The following XRCC4 variants were observed in gnomAD, a reference collection of about 807,000 sequenced individuals.
XRCC4 encodes the protein X-ray repair cross complementing 4.
In XRCC4, 28 loss-of-function variants were observed where a neutral mutation model predicts 39.1. That is an observed-to-expected ratio of 0.72 (90% CI 0.53 to 0.98). The LOEUF is 0.98. Among genes scored for constraint, XRCC4 ranks in the 50% least tolerant of loss-of-function variants. XRCC4 has a pLI of 0.00. For missense variants in XRCC4, 350 were observed against 376.4 expected (o/e 0.93, Z 0.58); for synonymous variants, 123 against 126.4 (o/e 0.97, Z 0.18).
At chr5:83,314,667 T>C (rs531666501) in intron 7 of XRCC4, among the ~76,000 whole-genome samples, 1 of 152,308 alleles carries the variant, frequency 6.6e-6, no homozygotes, top group Admixed American at 6.5e-5. Flanking sequence ...CTCAAACTTT[T>C]TATTATTACT....
At chr5:83,114,241 A>T (rs1396997486) in intron 3 of XRCC4, among the ~76,000 whole-genome samples, 1 of 152,122 alleles carries the variant, frequency 6.6e-6, no homozygotes. Context: ...TGCCTCGGAG[A>T]CATTTCCCCC....
intron 3 of XRCC4, among the ~76,000 whole-genome samples, chr5:83,157,666 G>A (rs1749025904): frequency 6.6e-6 from 1 of 151,780 alleles, no homozygotes; most frequent in Non-Finnish European, 1.5e-5. Context: ...AAGAGTTGTT[G>A]GAAATTAAAA....
intron 6 of XRCC4, among the ~76,000 whole-genome samples, chr5:83,245,707 A>T (rs1753074630): frequency 6.6e-6 from 1 of 152,114 alleles, no homozygotes; most frequent in Non-Finnish European, 1.5e-5. Context: ...TGTATAGTGT[A>T]AATAATTGTT....
chr5:83,125,751 G>A (rs1028007873), intron 3 of XRCC4, among the ~76,000 whole-genome samples: 1 of 152,158 alleles, frequency 6.6e-6, no homozygotes, highest in Admixed American at 6.5e-5. Flanking sequence ...AACAGGCCGA[G>A]GCGGGTGGAT....
the XRCC4 span, among the ~76,000 whole-genome samples, chr5:83,371,566 T>A: frequency 1.3e-5 from 2 of 152,090 alleles, no homozygotes; most frequent in Non-Finnish European, 2.9e-5. Flanking sequence ...GAGGATGAAG[T>A]GAACTGTGGA....
chr5:83,198,855 G>C (rs960696550), intron 4 of XRCC4, among the ~76,000 whole-genome samples: 1 of 152,110 alleles, frequency 6.6e-6, no homozygotes, highest in Non-Finnish European at 1.5e-5. Context: ...ATTTTGTATA[G>C]TGTAGATAAA....
At chr5:83,137,348 G>A (rs185007305) in intron 3 of XRCC4, among the ~76,000 whole-genome samples, 1 of 152,244 alleles carries the variant, frequency 6.6e-6, no homozygotes, top group East Asian at 1.9e-4. Context: ...TGAGTTTGGA[G>A]GGGATGCAAT....
intron 7 of XRCC4, among the ~76,000 whole-genome samples, chr5:83,261,450 A>C (rs67200965): frequency 0.21 from 31,568 of 151,742 alleles, 7,453 homozygotes; most frequent in African/African-American, 0.58. Flanking sequence ...CTCTAAACTT[A>C]AGTTTCCTAG....
intron 3 of XRCC4, among the ~76,000 whole-genome samples, chr5:83,189,261 A>G (rs1750587854): frequency 6.6e-6 from 1 of 152,160 alleles, no homozygotes; most frequent in African/African-American, 2.4e-5. Context: ...TTTCTGTACT[A>G]TGTAGACTTT....
At chr5:83,145,323 C>A (rs1284646610) in intron 3 of XRCC4, among the ~76,000 whole-genome samples, 1 of 152,186 alleles carries the variant, frequency 6.6e-6, no homozygotes, top group Non-Finnish European at 1.5e-5. Flanking sequence ...TGTGTTATTT[C>A]TCTACTTGTT....
intron 3 of XRCC4, among the ~76,000 whole-genome samples, chr5:83,170,396 A>C (rs1481872382): frequency 6.6e-6 from 1 of 152,194 alleles, no homozygotes; most frequent in African/African-American, 2.4e-5. Flanking sequence ...AAAAGGAAAA[A>C]AAAATCAGCT....
At chr5:83,284,078 A>AC (rs1491146524) in intron 7 of XRCC4, among the ~76,000 whole-genome samples, 7 of 140,504 alleles carry the variant, frequency 5.0e-5, no homozygotes, top group African/African-American at 1.9e-4. Context: ...AAAAAAAAAA[A>AC]CGAATAATTC....
chr5:83,223,757 G>A (rs1316724973), intron 6 of XRCC4, among the ~76,000 whole-genome samples: 2 of 151,754 alleles, frequency 1.3e-5, no homozygotes, highest in Non-Finnish European at 2.9e-5. Context: ...ATGTATACAT[G>A]TGCCATGCTG....
At chr5:83,357,802 T>C (rs1757206467), downstream of XRCC4, among the ~76,000 whole-genome samples, 1 of 152,010 alleles carries the variant, frequency 6.6e-6, no homozygotes, top group South Asian at 2.1e-4. Flanking sequence ...AAACAAGAGG[T>C]CTCTTGATAG....
At chr5:83,100,730 A>G (rs1461250512) in intron 1 of XRCC4, among the ~76,000 whole-genome samples, 1 of 152,024 alleles carries the variant, frequency 6.6e-6, no homozygotes, top group Non-Finnish European at 1.5e-5. Context: ...CACCCCCAAA[A>G]TTGTGGGTTT....
chr5:83,269,839 G>A (rs1754076833), intron 7 of XRCC4, among the ~76,000 whole-genome samples: 1 of 152,028 alleles, frequency 6.6e-6, no homozygotes, highest in African/African-American at 2.4e-5. Context: ...TGGTTTTGTG[G>A]AAGACAATTT....
chr5:83,153,501 C>T, intron 3 of XRCC4, among the ~76,000 whole-genome samples: 1 of 152,010 alleles, frequency 6.6e-6, no homozygotes, highest in East Asian at 1.9e-4. Context: ...AAAATGTGCA[C>T]AAGACATGAA....
intron 6 of XRCC4, among the ~76,000 whole-genome samples, chr5:83,206,698 G>T (rs1278380480): frequency 6.6e-6 from 1 of 152,126 alleles, no homozygotes; most frequent in Non-Finnish European, 1.5e-5. Context: ...GAAAGAATAT[G>T]TTTGTATACT....
intron 3 of XRCC4, among the ~76,000 whole-genome samples, chr5:83,112,958 G>T (rs550404260): frequency 2.0e-5 from 3 of 152,188 alleles, no homozygotes; most frequent in Admixed American, 2.0e-4. Flanking sequence ...CAAATCTCAT[G>T]TCCTCACATT....
Sources: gnomAD v4.1 joint callset for allele counts (sites outside exome capture counted in the v4.1 genomes callset) on GRCh38, gnomAD v4.1.1 for gene constraint, MANE v1.5 for transcripts, NCBI Gene and HGNC (gene_info 2026-07-23, HGNC 2026-07-21) for gene names.